The following DLGAP2 variants were observed in gnomAD, a reference collection of about 807,000 sequenced individuals.
DLGAP2 encodes DLG associated protein 2, also known as disks large-associated protein 2.
A neutral mutation model predicts 100.3 loss-of-function variants in DLGAP2; 26 were observed. The observed-to-expected ratio is 0.26, with a 90% CI of 0.19 to 0.36. DLGAP2 has a LOEUF of 0.36. Ranked by LOEUF, DLGAP2 falls within the 10% of genes least tolerant of loss-of-function variation. The pLI is 1.00. For missense variants in DLGAP2, 1,858 were observed against 1,453.2 expected, an observed-to-expected ratio of 1.28 and a Z score of -4.53; for synonymous variants, 886 against 630.1, an observed-to-expected ratio of 1.41 and a Z score of -6.08.
In DLGAP2 at chr8:1,547,036, G is replaced by C. The variant is rs1413616006; in HGVS notation, c.173-1590G>C. On this transcript the variant is annotated intron_variant, in intron 4 of 14. Coordinates refer to ENST00000637795, the MANE Select transcript of DLGAP2 (RefSeq NM_001346810.2). ...AGCAAGGCCGAGTGGTGTGGAGCCG[G>C]GTCTTGGAGTGAATGCAGGGATGCA... Among the ~76,000 whole-genome samples the C allele has an allele frequency of 2.6e-5, 4 of 152,140 alleles. No homozygotes were observed. In the South Asian group the frequency reaches 8.3e-4, roughly 31 times the overall value.
intron 3 of DLGAP2, among the ~76,000 whole-genome samples, chr8:1,441,381 C>T (rs560064080): frequency 5.5e-4 from 84 of 152,214 alleles, no homozygotes; most frequent in African/African-American, 2.0e-3. Flanking sequence ...GAGCGATCAA[C>T]CTAAGGCCCC....
chr8:1,228,461 A>G (rs1798467718), intron 2 of DLGAP2, among the ~76,000 whole-genome samples: 1 of 152,178 alleles, frequency 6.6e-6, no homozygotes, highest in East Asian at 1.9e-4. Context: ...CATTCTGTGA[A>G]GCCGATATTT....
At chr8:1,698,398 G>A (rs1799461690) in intron 14 of DLGAP2, among the ~76,000 whole-genome samples, 1 of 151,700 alleles carries the variant, frequency 6.6e-6, no homozygotes, top group Admixed American at 6.6e-5. Flanking sequence ...GCCATGCGTG[G>A]GACTAGGCAG....
At chr8:1,477,460 C>T (rs887959376) in intron 3 of DLGAP2, among the ~76,000 whole-genome samples, 2 of 152,208 alleles carry the variant, frequency 1.3e-5, no homozygotes, top group African/African-American at 4.8e-5. Context: ...TTCAAGTTCA[C>T]TGTCTCCATT....
At chr8:795,679 A>AGGCGTCCAGTGAGAG (rs1796012659) in intron 1 of DLGAP2, among the ~76,000 whole-genome samples, 2 of 26,968 alleles carry the variant, frequency 7.4e-5, no homozygotes, top group Admixed American at 3.4e-4. Context: ...TCCAGTGAGA[A>AGGCGTCCAGTGAGAG]CAGGCGTCCA....
chr8:893,497 G>T (rs936003438), intron 1 of DLGAP2, among the ~76,000 whole-genome samples: 1 of 152,208 alleles, frequency 6.6e-6, no homozygotes, highest in Admixed American at 6.5e-5. Context: ...CAGCAGATAG[G>T]CAGGAAACCT....
intron 3 of DLGAP2, among the ~76,000 whole-genome samples, chr8:1,479,994 C>T (rs570423679): frequency 3.3e-5 from 5 of 152,198 alleles, no homozygotes; most frequent in Non-Finnish European, 7.3e-5. Context: ...AAATGTTTTA[C>T]ATAGATTAGT....
chr8:1,280,829 A>T (rs1799800214), intron 3 of DLGAP2, among the ~76,000 whole-genome samples: 1 of 152,150 alleles, frequency 6.6e-6, no homozygotes, highest in South Asian at 2.1e-4. Context: ...CTTAAATGGG[A>T]CACATAGGCC....
intron 3 of DLGAP2, among the ~76,000 whole-genome samples, chr8:1,468,691 C>A (rs997945098): frequency 2.0e-5 from 3 of 152,194 alleles, no homozygotes; most frequent in African/African-American, 7.2e-5. Context: ...GTGACTCCAG[C>A]CTGGGCAGTG....
chr8:1,275,761 A>G (rs1799670540), intron 3 of DLGAP2, among the ~76,000 whole-genome samples: 2 of 133,102 alleles, frequency 1.5e-5, no homozygotes, highest in South Asian at 4.3e-4. Context: ...TAAATATATA[A>G]AAATATATAT....
At chr8:1,233,435 C>T (rs34491487) in intron 2 of DLGAP2, among the ~76,000 whole-genome samples, 67,325 of 152,080 alleles carry the variant, frequency 0.44, 15,873 homozygotes, top group Middle Eastern at 0.54. Context: ...TTATTGCAAA[C>T]GTCCTGCCTA....
intron 3 of DLGAP2, among the ~76,000 whole-genome samples, chr8:1,281,755 AG>A (rs1799817920): frequency 6.6e-6 from 1 of 152,160 alleles, no homozygotes; most frequent in Non-Finnish European, 1.5e-5. Context: ...TTCCCCGGGG[AG>A]TCAGCTGTAT....
chr8:1,690,780 G>A (rs964163329), intron 12 of DLGAP2, among the ~76,000 whole-genome samples: 1 of 149,866 alleles, frequency 6.7e-6, no homozygotes, highest in African/African-American at 2.5e-5. Flanking sequence ...ACCATTTGTA[G>A]ATTAATTCTT....
chr8:977,564 C>G (rs967267247), intron 2 of DLGAP2, among the ~76,000 whole-genome samples: 4 of 152,200 alleles, frequency 2.6e-5, no homozygotes. Context: ...GAACTCATGC[C>G]TCCTTGCGAA....
intron 2 of DLGAP2, among the ~76,000 whole-genome samples, chr8:1,003,581 G>C (rs1446813990): frequency 6.6e-6 from 1 of 152,218 alleles, no homozygotes; most frequent in East Asian, 1.9e-4. Context: ...CACTGTTCCT[G>C]ATGGCCAAGG....
At chr8:1,537,377 A>G (rs144726854) in intron 4 of DLGAP2, among the ~76,000 whole-genome samples, 147 of 152,232 alleles carry the variant, frequency 9.7e-4, no homozygotes, top group African/African-American at 3.4e-3. Flanking sequence ...GGAGGCCATG[A>G]CAGTTTTTAT....
At position 1,070,542 on chromosome 8, in the gene DLGAP2, G is replaced by T. The variant is rs187592615; in HGVS notation, c.73+162576G>T. ...AGGCTCTGAAATATCTCACAGGTGA[G>T]GGGCGATTTCGGCACTGTCCAATGT... On this transcript the variant is annotated intron_variant, in intron 2 of 14. Coordinates refer to ENST00000637795, the MANE Select transcript of DLGAP2 (RefSeq NM_001346810.2). Among the ~76,000 whole-genome samples, 86 of 152,332 alleles carry T rather than the reference G, an allele frequency of 5.6e-4. 1 individual carries two copies. Among genetic ancestry groups the T allele is most frequent in the African/African-American group, 2.1e-3 (86 of 41,576 alleles).
intron 3 of DLGAP2, among the ~76,000 whole-genome samples, chr8:1,476,658 A>G (rs550920349): frequency 6.6e-6 from 1 of 152,144 alleles, no homozygotes; most frequent in Admixed American, 6.5e-5. Context: ...GTGATGGCTG[A>G]CTGCTGTTGG....
intron 6 of DLGAP2, among the ~76,000 whole-genome samples, chr8:1,613,540 A>G (rs1461636839): frequency 1.5e-5 from 2 of 134,764 alleles, no homozygotes; most frequent in Admixed American, 1.5e-4. Flanking sequence ...CTTAAAGTAT[A>G]ATAAAAAAAA....
Sources: gnomAD v4.1 joint callset for allele counts (sites outside exome capture counted in the v4.1 genomes callset) on GRCh38, gnomAD v4.1.1 for gene constraint, MANE v1.5 for transcripts, NCBI Gene and HGNC (gene_info 2026-07-23, HGNC 2026-07-21) for gene names.